Variants in THSD4 observed in about 807,000 individuals in gnomAD.
THSD4 encodes thrombospondin type-1 domain-containing protein 4.
Under a neutral mutation model 119.0 loss-of-function variants are expected in THSD4, and 69 were observed. The ratio of observed to expected loss-of-function variants is 0.58; its 90% CI spans 0.48 to 0.71. The LOEUF (loss-of-function observed/expected upper bound fraction) is 0.71. Among genes scored for constraint, THSD4 ranks in the 30% least tolerant of loss-of-function variants. The probability of loss-of-function intolerance (pLI) is 0.00; values close to 1 mark genes in which losing one functional copy is unlikely to be tolerated. For missense variants in THSD4, 1,393 were observed against 1,391.1 expected, an observed-to-expected ratio of 1.00 and a Z score of -0.02; for synonymous variants, 524 against 540.4, an observed-to-expected ratio of 0.97 and a Z score of 0.42.
intron 7 of THSD4, among the ~76,000 whole-genome samples, chr15:71,625,389 C>A: frequency 6.6e-6 from 1 of 152,120 alleles, no homozygotes; most frequent in East Asian, 1.9e-4. Flanking sequence ...ATATTGGGGG[C>A]TCTTCAAGAG....
chr15:71,254,670 T>G (rs1180060681), intron 5 of THSD4, among the ~76,000 whole-genome samples: 3 of 152,232 alleles, frequency 2.0e-5, no homozygotes, highest in South Asian at 2.1e-4. Flanking sequence ...CTACTTGAAC[T>G]CTGGCTCAGG....
intron 15 of THSD4, among the ~76,000 whole-genome samples, chr15:71,760,432 AG>A (rs1395497987): frequency 6.6e-6 from 1 of 152,132 alleles, no homozygotes; most frequent in East Asian, 1.9e-4. Flanking sequence ...GCTGCTTCCC[AG>A]ATCCCTGGAA....
At chr15:71,628,317 A>G (rs2050547274) in intron 7 of THSD4, among the ~76,000 whole-genome samples, 1 of 152,204 alleles carries the variant, frequency 6.6e-6, no homozygotes, top group Non-Finnish European at 1.5e-5. Context: ...CCTTACTTGA[A>G]ACCTTCTTAA....
intron 5 of THSD4, among the ~76,000 whole-genome samples, chr15:71,254,602 G>A (rs899922077): frequency 2.0e-5 from 3 of 152,206 alleles, no homozygotes; most frequent in Non-Finnish European, 4.4e-5. Context: ...TCTCGAAGCC[G>A]TACTTGGGGA....
chr15:71,591,005 C>CAAAAAAAAAAAAAAAAAAAAAAAAAA (rs67271025), intron 7 of THSD4, among the ~76,000 whole-genome samples: 4 of 57,508 alleles, frequency 7.0e-5, no homozygotes, highest in Non-Finnish European at 9.1e-5. Context: ...GACTCCATCT[C>CAAAAAAAAAAAAAAAAAAAAAAAAAA]AAAAAAAAAA....
intron 7 of THSD4, among the ~76,000 whole-genome samples, chr15:71,602,744 A>AATGGTT (rs376384804): frequency 6.7e-4 from 102 of 152,170 alleles, no homozygotes; most frequent in Middle Eastern, 3.4e-3. Flanking sequence ...AGTGACTGCT[A>AATGGTT]ATGGTTATGG....
rs144646440 is a variant in THSD4 at position 71,736,682 on chromosome 15, C to T, written c.1631-1050C>T. Among the ~76,000 whole-genome samples, 359 of 152,266 alleles carry T rather than the reference C, an allele frequency of 2.4e-3. 4 individuals are homozygous for T. The highest frequency in any genetic ancestry group is 1.1e-3 in the Non-Finnish European group (76 of 68,020). On this transcript the variant is annotated intron_variant, in intron 10 of 17. Coordinates refer to ENST00000261862, the MANE Select transcript of THSD4 (RefSeq NM_024817.3). ...CTGCCACTGTCTCTCTCTCCTCTCT[C>T]TCTTTCTCTCTCTCTCAAAATGTGC...
chr15:71,397,480 AG>A (rs1303721625), intron 6 of THSD4, among the ~76,000 whole-genome samples: 2 of 152,228 alleles, frequency 1.3e-5, no homozygotes, highest in African/African-American at 4.8e-5. Flanking sequence ...CCATAAGGGC[AG>A]GGACTCTGTC....
At chr15:71,389,054 G>A (rs2046334379) in intron 6 of THSD4, among the ~76,000 whole-genome samples, 3 of 152,026 alleles carry the variant, frequency 2.0e-5, no homozygotes, top group African/African-American at 4.8e-5. Context: ...TTCACCTTCC[G>A]CCATGATTGC....
At chr15:71,743,324 TC>T (rs1213442733) in intron 11 of THSD4, among the ~76,000 whole-genome samples, 2 of 152,194 alleles carry the variant, frequency 1.3e-5, no homozygotes, top group Non-Finnish European at 2.9e-5. Flanking sequence ...TTGAGATAGT[TC>T]CTTTTGCTTT....
upstream of THSD4, chr15:71,115,333 G>C (rs2040347870): frequency 6.6e-6 from 1 of 152,516 alleles, no homozygotes; most frequent in African/African-American, 2.4e-5. The surrounding 1 kb of genome is among the most constrained non-coding windows in gnomAD (Gnocchi z 4.4). Context: ...TTGACCTCCG[G>C]GGTCAGGGGT....
At chr15:71,717,485 A>G (rs2052631594) in intron 8 of THSD4, among the ~76,000 whole-genome samples, 1 of 152,148 alleles carries the variant, frequency 6.6e-6, no homozygotes, top group Non-Finnish European at 1.5e-5. Flanking sequence ...AAGACAAGAC[A>G]GGTGGACCTT....
chr15:71,679,674 A>C (rs1037506538), intron 8 of THSD4, among the ~76,000 whole-genome samples: 1 of 152,238 alleles, frequency 6.6e-6, no homozygotes, highest in African/African-American at 2.4e-5. Flanking sequence ...TGAGACTGCA[A>C]ATACAGGGTA....
chr15:71,207,725 G>A (rs2043856279), intron 3 of THSD4, among the ~76,000 whole-genome samples: 1 of 152,142 alleles, frequency 6.6e-6, no homozygotes, highest in African/African-American at 2.4e-5. Context: ...CTGTGCATGT[G>A]AGGGATCTAG....
chr15:71,350,141 T>TAAAAAAAAAAAAA (rs3086680), intron 6 of THSD4, among the ~76,000 whole-genome samples: 1 of 111,174 alleles, frequency 9.0e-6, no homozygotes, highest in African/African-American at 3.6e-5. Context: ...TGCAAATTAC[T>TAAAAAAAAAAAAA]AAAAAAAAAA....
chr15:71,648,048 T>A (rs1501418), intron 7 of THSD4, among the ~76,000 whole-genome samples: 78,808 of 152,004 alleles, frequency 0.52, 22,790 homozygotes, highest in Non-Finnish European at 0.66. Context: ...CAAGAGACAA[T>A]ACAACTAGCA....
In THSD4 at chr15:71,502,233, T is replaced by C. The variant is rs561463674; in HGVS notation, c.1152+90410T>C. On this transcript the variant is annotated intron_variant, in intron 7 of 17. Coordinates refer to ENST00000261862, the MANE Select transcript of THSD4 (RefSeq NM_024817.3). Reference sequence around the variant, plus strand: ...AGGGCAAGCCCGTGCATCTAGGTATTGGATCTGGTTAGAGATGCTTGTATA... The same window carrying C: ...AGGGCAAGCCCGTGCATCTAGGTATCGGATCTGGTTAGAGATGCTTGTATA... 7.8e-4 allele frequency among the ~76,000 whole-genome samples: 119 copies of C among 152,330 alleles called. 1 individual carries two copies. Among genetic ancestry groups the C allele is most frequent in the Admixed American group, 7.7e-3 (118 of 15,296 alleles).
chr15:71,393,755 A>C (rs2046407725), intron 6 of THSD4, among the ~76,000 whole-genome samples: 1 of 152,126 alleles, frequency 6.6e-6, no homozygotes, highest in Admixed American at 6.5e-5. Flanking sequence ...CACAGCAGGG[A>C]GGCATGAAAG....
chr15:71,126,182 A>G (rs1168749422), intron 1 of THSD4, among the ~76,000 whole-genome samples: 3 of 152,182 alleles, frequency 2.0e-5, no homozygotes, highest in African/African-American at 7.2e-5. Flanking sequence ...GAGGAGGCCT[A>G]GTGGACAGTC....
Sources: allele counts gnomAD v4.1 joint callset (sites outside exome capture counted in the v4.1 genomes callset), GRCh38; gene constraint gnomAD v4.1.1; non-coding constraint Gnocchi (gnomAD v3.1); transcripts MANE v1.5; gene names NCBI Gene and HGNC (gene_info 2026-07-23, HGNC 2026-07-21).